Variants in TTC3 observed in about 807,000 individuals in gnomAD.
TTC3 encodes tetratricopeptide repeat domain 3.
TTC3 carries 180 observed loss-of-function variants against 249.6 expected under a neutral mutation model. The ratio of observed to expected loss-of-function variants is 0.72; its 90% CI spans 0.64 to 0.82. The LOEUF is 0.82. Ranked by LOEUF, TTC3 falls within the 40% of genes least tolerant of loss-of-function variation. The probability of loss-of-function intolerance (pLI) is 0.00; values close to 1 mark genes in which losing one functional copy is unlikely to be tolerated. For missense variants in TTC3, 2,061 were observed against 2,398.4 expected (o/e 0.86, Z 2.94); for synonymous variants, 717 against 805.0 (o/e 0.89, Z 1.85).
chr21:37,102,027 G>T (rs2074561520), intron 10 of TTC3, among the ~76,000 whole-genome samples: 1 of 127,634 alleles, frequency 7.8e-6, no homozygotes, highest in Non-Finnish European at 1.8e-5. Context: ...ATATACCTAT[G>T]CAATGATTAT....
At chr21:37,122,039 G>T in intron 12 of TTC3, 60 bp downstream of exon 12, 2 of 1,477,486 alleles carry the variant, frequency 1.4e-6, no homozygotes, top group South Asian at 1.4e-5. Context: ...TTTGGAGGGT[G>T]GGTTTCTTGG....
intron 17 of TTC3, among the ~76,000 whole-genome samples, chr21:37,135,176 C>G (rs184444044): frequency 7.1e-4 from 108 of 152,212 alleles, no homozygotes; most frequent in Non-Finnish European, 1.3e-3. Flanking sequence ...AGAGGTGTTG[C>G]AATTAGGATG....
intron 35 of TTC3, among the ~76,000 whole-genome samples, chr21:37,178,754 G>A (rs2082484018): frequency 6.6e-6 from 1 of 152,118 alleles, no homozygotes; most frequent in African/African-American, 2.4e-5. Flanking sequence ...GAGCCCAGGA[G>A]TTTGAAACCA....
intron 15 of TTC3, among the ~76,000 whole-genome samples, chr21:37,127,669 A>G (rs2077140993): frequency 6.6e-6 from 1 of 152,070 alleles, no homozygotes; most frequent in Non-Finnish European, 1.5e-5. Context: ...TTTTTTAGTT[A>G]GTGATCCTCT....
chr21:37,092,185 A>G (rs546751639), intron 7 of TTC3, among the ~76,000 whole-genome samples: 7 of 152,332 alleles, frequency 4.6e-5, no homozygotes, highest in African/African-American at 1.7e-4. Flanking sequence ...TTTATAGTAT[A>G]GTTATAGGAA....
intron 34 of TTC3, 141 bp from the exon 35 acceptor site, chr21:37,172,454 C>A: frequency 1.1e-6 from 1 of 918,224 alleles, no homozygotes; most frequent in Non-Finnish European, 1.6e-6. Flanking sequence ...TTTTTAATTC[C>A]TGAATGATTG....
At chr21:37,154,388 C>T (rs2079789687) in intron 27 of TTC3, among the ~76,000 whole-genome samples, 1 of 152,222 alleles carries the variant, frequency 6.6e-6, no homozygotes, top group Admixed American at 6.5e-5. Flanking sequence ...GCAAGCCTGG[C>T]ATAGTTAGAC....
intron 10 of TTC3, among the ~76,000 whole-genome samples, chr21:37,100,198 T>C (rs2074341403): frequency 6.6e-6 from 1 of 152,132 alleles, no homozygotes; most frequent in Non-Finnish European, 1.5e-5. Flanking sequence ...CAAAAAGAGC[T>C]GAAGTATATG....
intron 10 of TTC3, among the ~76,000 whole-genome samples, chr21:37,105,137 T>G (rs1372966113): frequency 1.3e-5 from 2 of 152,214 alleles, no homozygotes; most frequent in Non-Finnish European, 2.9e-5. Context: ...ACAGTGGAAC[T>G]TAGATTTGGC....
At chr21:37,129,803 G>A (rs1034168153) in intron 16 of TTC3, among the ~76,000 whole-genome samples, 1 of 152,046 alleles carries the variant, frequency 6.6e-6, no homozygotes, top group Non-Finnish European at 1.5e-5. Flanking sequence ...CACCATGACT[G>A]GATAACTAAA....
intron 17 of TTC3, among the ~76,000 whole-genome samples, chr21:37,133,852 C>T (rs1169631116): frequency 1.3e-5 from 2 of 152,158 alleles, no homozygotes; most frequent in Non-Finnish European, 2.9e-5. Flanking sequence ...GCCTGGGCAA[C>T]ATAGGAAGGC....
chr21:37,082,398 A>C lies in TTC3; in HGVS notation c.-11-4849A>C, dbSNP rs777850334. 5 of 766,042 alleles carry C rather than the reference A, an allele frequency of 6.5e-6. No individual in the cohort carries two copies. In the African/African-American group the frequency reaches 9.5e-5, roughly 15 times the overall value. The allele number at this position is 766,042 out of a possible 1,614,324, so 47.5% of individuals were successfully genotyped here. On this transcript the variant is annotated intron_variant, in intron 1 of 45. Coordinates refer to ENST00000355666, the Ensembl canonical transcript of TTC3. ...CTGTCACCTCATGTGTTTGGTGATCATTGATTATGAACTTCTGTTTGATCT... is the reference window on the plus strand; with the variant it reads ...CTGTCACCTCATGTGTTTGGTGATCCTTGATTATGAACTTCTGTTTGATCT...
At chr21:37,198,982 C>T (rs2085218363) in intron 44 of TTC3, among the ~76,000 whole-genome samples, 1 of 152,144 alleles carries the variant, frequency 6.6e-6, no homozygotes, top group Non-Finnish European at 1.5e-5. Context: ...CCGAGCTTTG[C>T]ACTGGGCATT....
intron 20 of TTC3, among the ~76,000 whole-genome samples, chr21:37,144,191 A>T (rs2078768841): frequency 6.6e-6 from 1 of 151,964 alleles, no homozygotes; most frequent in African/African-American, 2.4e-5. Flanking sequence ...ATGTATACCT[A>T]TGTAACAAAC....
At chr21:37,160,730 T>C (rs956794828) in intron 29 of TTC3, 72 bp from the exon 30 acceptor site, 13 of 1,502,684 alleles carry the variant, frequency 8.7e-6, no homozygotes, top group Admixed American at 1.9e-5. Flanking sequence ...TAAAAACTCA[T>C]ATGGTTTCTT....
At chr21:37,131,091 T>C (rs2077434030) in intron 16 of TTC3, among the ~76,000 whole-genome samples, 1 of 152,136 alleles carries the variant, frequency 6.6e-6, no homozygotes, top group African/African-American at 2.4e-5. Context: ...GGTACAGAGC[T>C]CCCAAAACCC....
At chr21:37,115,173 G>GAA (rs1568958074) in intron 11 of TTC3, among the ~76,000 whole-genome samples, 37 of 18,168 alleles carry the variant, frequency 2.0e-3, no homozygotes, top group Non-Finnish European at 4.5e-4. Context: ...AAAACTTAAA[G>GAA]TATAATAATA....
In TTC3 at chr21:37,150,036, G is replaced by A. The variant is rs538661440; in HGVS notation, c.2119-42G>A. 1,155 of 1,417,096 alleles carry A rather than the reference G, an allele frequency of 8.2e-4. 1 individual carries two copies. Among genetic ancestry groups the A allele is most frequent in the Non-Finnish European group, 1.1e-3 (1,116 of 1,015,170 alleles). The allele number at this position is 1,417,096 out of a possible 1,614,324, so 87.8% of individuals were successfully genotyped here. ...TACGTGTATAGATTTATCCCCCCTAGACATAACATTTTTCTTGTTTTTTTT... is the reference window on the plus strand; with the variant it reads ...TACGTGTATAGATTTATCCCCCCTAAACATAACATTTTTCTTGTTTTTTTT... On this transcript the variant is annotated intron_variant, in intron 23 of 45. Coordinates refer to ENST00000355666, the Ensembl canonical transcript of TTC3.
chr21:37,120,327 T>C (rs1288657614), intron 11 of TTC3, among the ~76,000 whole-genome samples: 1 of 152,206 alleles, frequency 6.6e-6, no homozygotes, highest in Non-Finnish European at 1.5e-5. Context: ...AATTAAGTCT[T>C]TTCTCAACTA....
Sources: gnomAD v4.1 joint callset for allele counts (sites outside exome capture counted in the v4.1 genomes callset) on GRCh38, gnomAD v4.1.1 for gene constraint, MANE v1.5 for transcripts, NCBI Gene and HGNC (gene_info 2026-07-23, HGNC 2026-07-21) for gene names.